Variants in CROCC observed in about 807,000 individuals in gnomAD.
The protein encoded by CROCC is rootletin.
In CROCC, 180 loss-of-function variants were observed where a neutral mutation model predicts 245.2. The ratio of observed to expected loss-of-function variants is 0.73; its 90% CI spans 0.65 to 0.83. The LOEUF is 0.83. CROCC is among the 40% of genes least tolerant of loss of function. CROCC has a pLI of 0.00. For missense variants in CROCC, 2,688 were observed against 2,779.4 expected, an observed-to-expected ratio of 0.97 and a Z score of 0.74; for synonymous variants, 1,205 against 1,241.6, an observed-to-expected ratio of 0.97 and a Z score of 0.62.
At chr1:16,943,888 G>A (rs2075987828) in intron 13 of CROCC, among the ~76,000 whole-genome samples, 1 of 152,300 alleles carries the variant, frequency 6.6e-6, no homozygotes, top group Non-Finnish European at 1.5e-5. Flanking sequence ...ACTCCAAGTG[G>A]GCGGACTGGA....
Position 16,969,357 on chromosome 1 carries a change from C to T in CROCC, c.5301+17C>T, listed in dbSNP as rs1204914048. 4 of 1,600,866 alleles carry T rather than the reference C, an allele frequency of 2.5e-6. No individual in the cohort carries two copies. On this transcript the variant is annotated intron_variant, in intron 32 of 36. Coordinates refer to ENST00000375541, the MANE Select transcript of CROCC (RefSeq NM_014675.5). ...GTACTCCAGGTCTCGGGCCCAGGGTCTGGCTGGGGTGGGCCCAGTGAGAGA... is the reference window on the plus strand; with the variant it reads ...GTACTCCAGGTCTCGGGCCCAGGGTTTGGCTGGGGTGGGCCCAGTGAGAGA...
At position 16,929,828 on chromosome 1, in the gene CROCC, C is replaced by G. The variant is rs554315283; in HGVS notation, c.352-18C>G. Reference sequence around the variant, plus strand: ...TCCCAGGAGGCCCAGGACTCTCACCCAGGGCCCTTCCCTGCAGCTGGAGCA... The same window carrying G: ...TCCCAGGAGGCCCAGGACTCTCACCGAGGGCCCTTCCCTGCAGCTGGAGCA... On this transcript the variant is annotated intron_variant, in intron 3 of 36. Transcript: ENST00000375541. The G allele has an allele frequency of 2.0e-6, 3 of 1,530,434 alleles. No homozygotes were observed. The highest frequency in any genetic ancestry group is 2.7e-5 in the African/African-American group (2 of 73,620). The allele number at this position is 1,530,434 out of a possible 1,614,324, so 94.8% of individuals were successfully genotyped here.
intron 30 of CROCC, among the ~76,000 whole-genome samples, chr1:16,967,213 G>C (rs570712940): frequency 6.6e-6 from 1 of 152,160 alleles, no homozygotes; most frequent in African/African-American, 2.4e-5. Flanking sequence ...TACTCAGGGG[G>C]CCTCTGTTTT....
chr1:16,936,295 T>A (rs1570620552), intron 8 of CROCC, among the ~76,000 whole-genome samples: 1 of 152,386 alleles, frequency 6.6e-6, no homozygotes, highest in Middle Eastern at 3.4e-3. Flanking sequence ...TGAGACACAG[T>A]CTTGCTGTGT....
chr1:16,930,688 C>G (rs944340849), intron 7 of CROCC, 94 bp downstream of exon 7: 14 of 1,447,108 alleles, frequency 9.7e-6, no homozygotes, highest in African/African-American at 5.5e-5. Flanking sequence ...GGAGAGGGAG[C>G]ACTGTCCAAG....
chr1:16,925,331 G>A (rs1205252898), intron 3 of CROCC, among the ~76,000 whole-genome samples: 1 of 152,258 alleles, frequency 6.6e-6, no homozygotes, highest in African/African-American at 2.4e-5. Context: ...CACCAAGGTC[G>A]GGACCATTAT....
At chr1:16,958,997 A>G (rs936221787) in intron 26 of CROCC, among the ~76,000 whole-genome samples, 2 of 152,098 alleles carry the variant, frequency 1.3e-5, no homozygotes, top group Admixed American at 6.6e-5. Context: ...CAGCAGCCCT[A>G]TGGGGTAGGT....
chr1:16,961,735 C>T (rs555917468), intron 27 of CROCC, among the ~76,000 whole-genome samples: 2 of 152,296 alleles, frequency 1.3e-5, no homozygotes, highest in African/African-American at 4.8e-5. Context: ...CCTCAACCTC[C>T]TTTGTAGCTG....
upstream of CROCC, among the ~76,000 whole-genome samples, chr1:16,917,270 G>T (rs2075317865): frequency 6.6e-6 from 1 of 152,302 alleles, no homozygotes; most frequent in Non-Finnish European, 1.5e-5. Flanking sequence ...GAGTAGGGTG[G>T]TGCCAGGAGT....
In CROCC at chr1:16,922,839, A is replaced by G. The variant is rs566315716; in HGVS notation, c.196+41A>G. 3 of 1,594,788 alleles carry G rather than the reference A, an allele frequency of 1.9e-6. No individual in the cohort carries two copies. The African/African-American group carries it at 4.0e-5, about 21-fold the overall frequency. ...GCTCCCCTCCACAAACACCACCCAC[A>G]TTTTACCTCTTCTCATGTCCCTTTC... On this transcript the variant is annotated intron_variant, in intron 2 of 36. Transcript: ENST00000375541.
chr1:16,969,362 T>G (rs2076474511), intron 32 of CROCC, 22 bp downstream of exon 32: 3 of 1,596,956 alleles, frequency 1.9e-6, no homozygotes, highest in Non-Finnish European at 2.6e-6. Flanking sequence ...AGGGTCTGGC[T>G]GGGGTGGGCC....
In CROCC at chr1:16,939,882, C is replaced by T. The variant is rs749300126; in HGVS notation, c.1609-12C>T. ...CAGGCCCCCCCAGACTCTGTGACCC[C>T]CCACACCCCAGGACATGCGTGGGCG... is the stretch of plus-strand genomic sequence containing the variant. On this transcript the variant is annotated splice_polypyrimidine_tract_variant and intron_variant, in intron 12 of 36. Coordinates refer to ENST00000375541, the MANE Select transcript of CROCC (RefSeq NM_014675.5). 3.1e-6 allele frequency: 5 copies of T among 1,611,558 alleles called. No individual in the cohort carries two copies. In the East Asian group the frequency reaches 6.7e-5, roughly 22 times the overall value.
At chr1:16,929,806 C>T (rs1247560033) in intron 3 of CROCC, 40 bp from the exon 4 acceptor site, 17 of 1,485,906 alleles carry the variant, frequency 1.1e-5, no homozygotes, top group South Asian at 7.9e-5. Context: ...CCTGCCTTCC[C>T]AGGAGGCCCA....
At chr1:16,963,734 G>C (rs753440886) in intron 27 of CROCC, among the ~76,000 whole-genome samples, 2 of 151,896 alleles carry the variant, frequency 1.3e-5, no homozygotes, top group Non-Finnish European at 2.9e-5. Flanking sequence ...CCAGGGAGTC[G>C]GGCTGCCTGG....
chr1:16,970,675 C>T lies in CROCC; in HGVS notation c.5692C>T (p.Arg1898Trp), dbSNP rs748021608. 1.3e-5 allele frequency: 21 copies of T among 1,595,388 alleles called. No homozygotes were observed. Among genetic ancestry groups the T allele is most frequent in the African/African-American group, 5.4e-5 (4 of 74,286 alleles). ...EKLRSHEDTVRLSAEKGRLDR... is the reference protein window; with the variant it reads ...EKLRSHEDTVWLSAEKGRLDR... Reference sequence around the variant, plus strand: ...GCTTCGTAGCCATGAGGACACAGTGCGGCTGAGCGCAGAGAAGGGCCGCCT... The same window carrying T: ...GCTTCGTAGCCATGAGGACACAGTGTGGCTGAGCGCAGAGAAGGGCCGCCT... Residue 1898 changes from arginine to tryptophan, a missense_variant, in exon 35 of 37, where the codon CGG (arginine) becomes TGG (tryptophan). This residue lies in a region of CROCC where 1,218 missense variants were observed against 1,286.3 expected (regional missense o/e 0.95). Transcript: ENST00000375541.
chr1:16,923,324 G>A (rs1445288411), intron 2 of CROCC, among the ~76,000 whole-genome samples: 1 of 152,280 alleles, frequency 6.6e-6, no homozygotes, highest in Admixed American at 6.5e-5. Flanking sequence ...GCGTTTTGGT[G>A]CTCTAACCAT....
chr1:16,947,525 G>A (rs2076077233), intron 17 of CROCC, among the ~76,000 whole-genome samples: 1 of 151,346 alleles, frequency 6.6e-6, no homozygotes, highest in African/African-American at 2.4e-5. Context: ...AATAGGTGGA[G>A]ACTTTTTAGA....
rs556184853 is a variant in CROCC, at chr1:16,957,775, T to C, written c.3865-808T>C. 1.7e-3 allele frequency among the ~76,000 whole-genome samples: 252 copies of C among 152,286 alleles called. 3 individuals carry two copies. The highest frequency in any genetic ancestry group is 3.4e-3 in the Middle Eastern group (1 of 294). ...AAATTTTTTTAATTAAAAAAATTGTTTTTAATTACAAAAAAAGAGATCACA... is the reference window on the plus strand; with the variant it reads ...AAATTTTTTTAATTAAAAAAATTGTCTTTAATTACAAAAAAAGAGATCACA... On this transcript the variant is annotated intron_variant, in intron 25 of 36. Transcript: ENST00000375541.
rs779278591 is a variant in CROCC, at chr1:16,951,051, G to A, written c.2935G>A (p.Glu979Lys). 1.2e-6 allele frequency: 2 copies of A among 1,607,530 alleles called. No individual in the cohort carries two copies. Among genetic ancestry groups the A allele is most frequent in the Non-Finnish European group, 1.7e-6 (2 of 1,177,814 alleles). ...CCAGAAGCTGGTGCAGGCTGAGCGG[G>A]AGGCCCAGGCCTCTCTGCGGGAGCA... ...MAQKLVQAER[E>K]AQASLREQRA... The change falls in exon 20 of 37, where the codon GAG (glutamate) becomes AAG (lysine). Residue 979 changes from glutamate (E) to lysine (K), a missense_variant. By Grantham distance (56) the Glu-to-Lys change is moderately conservative. This residue lies in a region of CROCC where 106 missense variants were observed against 126.1 expected (regional missense o/e 0.84). Transcript: ENST00000375541.
Sources: gnomAD v4.1 joint callset for allele counts (sites outside exome capture counted in the v4.1 genomes callset) on GRCh38, gnomAD v4.1.1 for gene constraint, gnomAD v4.1.1 regional missense constraint, MANE v1.5 for transcripts, NCBI Gene and HGNC (gene_info 2026-07-23, HGNC 2026-07-21) for gene names.